Variants in SPAG9 observed in about 807,000 individuals in gnomAD.
The protein encoded by SPAG9 is C-Jun-amino-terminal kinase-interacting protein 4.
In SPAG9, 35 loss-of-function variants were observed where a neutral mutation model predicts 166.5. That is an observed-to-expected ratio of 0.21 (90% CI 0.16 to 0.28). The LOEUF (loss-of-function observed/expected upper bound fraction) is 0.28. Ranked by LOEUF, SPAG9 falls within the 10% of genes least tolerant of loss-of-function variation. The pLI is 1.00. For synonymous variants in SPAG9, 534 were observed against 565.5 expected, an observed-to-expected ratio of 0.94 and a Z score of 0.79; for missense variants, 1,235 against 1,603.3, an observed-to-expected ratio of 0.77 and a Z score of 3.92.
intron 3 of SPAG9, among the ~76,000 whole-genome samples, chr17:51,050,722 TA>T (rs78381217): frequency 7.7e-3 from 1,086 of 141,840 alleles, no homozygotes; most frequent in African/African-American, 0.014. Context: ...TCACTCAGGT[TA>T]AAAAAAAAAA....
chr17:51,076,524 T>C (rs926065485), intron 2 of SPAG9, among the ~76,000 whole-genome samples: 2 of 152,038 alleles, frequency 1.3e-5, no homozygotes, highest in African/African-American at 4.8e-5. Context: ...TCACCTGAGG[T>C]TGGGAGTTCG....
At chr17:51,078,989 C>T (rs188060505) in intron 2 of SPAG9, among the ~76,000 whole-genome samples, 2 of 152,248 alleles carry the variant, frequency 1.3e-5, no homozygotes, top group Non-Finnish European at 2.9e-5. Context: ...CACACACTTG[C>T]ATAATGGTTA....
chr17:51,006,634 A>G (rs891478688), intron 10 of SPAG9, among the ~76,000 whole-genome samples: 26 of 152,250 alleles, frequency 1.7e-4, no homozygotes, highest in Non-Finnish European at 2.9e-5. Flanking sequence ...ACGCTGAAGA[A>G]AAAACCCTGA....
At chr17:51,005,954 C>G in intron 11 of SPAG9, 131 bp downstream of exon 11, 1 of 949,864 alleles carries the variant, frequency 1.1e-6, no homozygotes, top group South Asian at 1.7e-5. Context: ...GGGCACTTTG[C>G]CCTCTCCCAG....
chr17:51,005,175 G>C, intron 12 of SPAG9, 37 bp downstream of exon 12: 2 of 1,581,080 alleles, frequency 1.3e-6, no homozygotes, highest in Non-Finnish European at 1.7e-6. Flanking sequence ...CCAAAACATG[G>C]TAAGGTAAGA....
chr17:51,120,467 C>T lies in SPAG9; in HGVS notation c.190G>A (p.Val64Met), dbSNP rs753465628. 2 of 1,614,020 alleles carry T rather than the reference C, an allele frequency of 1.2e-6. No individual in the cohort carries two copies. Among genetic ancestry groups the T allele is most frequent in the African/African-American group, 1.3e-5 (1 of 75,058 alleles). Residue 64 changes from valine to methionine, a missense_variant, in exon 1 of 30, where the codon GTG (valine) becomes ATG (methionine). Val to Met is a conservative substitution (Grantham distance 21). Around this residue, in one of 6 missense-constraint regions of SPAG9, gnomAD observed 83 missense variants for 149.8 expected, o/e 0.55. Coordinates refer to ENST00000262013, the MANE Select transcript of SPAG9 (RefSeq NM_001130528.3). This position sits in a 1 kb window ranked among gnomAD's most constrained non-coding sequence, Gnocchi z 4.7. ...TGGTGCTCCTGGTCCTGCGCGAACA[C>T]CGAGTCCAGGTTCTCCAGCACAGCC... ...VVAVLENLDS[V>M]FAQDQEHQVE...
At chr17:51,019,648 T>A (rs1166002003) in intron 8 of SPAG9, among the ~76,000 whole-genome samples, 1 of 151,738 alleles carries the variant, frequency 6.6e-6, no homozygotes, top group East Asian at 1.9e-4. Context: ...AGGTTGGGAG[T>A]TCGAGACCAG....
At chr17:51,041,677 C>T (rs202171282) in intron 4 of SPAG9, 26 bp from the exon 5 acceptor site, 168 of 1,608,366 alleles carry the variant, frequency 1.0e-4, no homozygotes, top group Non-Finnish European at 1.3e-4. Flanking sequence ...AGAAAAAATT[C>T]GGCATTCATT....
In SPAG9 at chr17:50,962,789, C is replaced by T. The variant is rs1435166122; in HGVS notation, c.*3483G>A. On this transcript the variant is annotated 3_prime_UTR_variant, in exon 30 of 30. Transcript: ENST00000262013. ...TAAGGCAGCCTATGTTAAAGGGTCT[C>T]GTCTCAAATGTAGGAAGACCTTTAC... The T allele has an allele frequency of 6.6e-6, 1 of 152,198 alleles. No homozygotes were observed. The highest frequency in any genetic ancestry group is 2.4e-5 in the African/African-American group (1 of 41,450). The allele number at this position is 152,198 out of a possible 1,614,324, so 9.4% of individuals were successfully genotyped here.
At chr17:50,995,615 A>G (rs548092434) in intron 16 of SPAG9, 82 bp from the exon 17 acceptor site, 7 of 845,632 alleles carry the variant, frequency 8.3e-6, no homozygotes, top group African/African-American at 6.7e-5. Flanking sequence ...CCACTGAGAC[A>G]TGAGCAAGCA....
Position 50,989,872 on chromosome 17 carries a change from T to C in SPAG9, c.2618A>G (p.Glu873Gly), listed in dbSNP as rs1975387372. The stretch of plus-strand genomic sequence containing the variant: ...AACCTCACTATTTTCTGCTTCCATT[T>C]CTACAAAGTAAATAAAACACTATTC... ...GASPVMDKPP[E>G]MEAENSEVDE... Residue 873 changes from glutamate to glycine, a missense_variant and splice_region_variant, in exon 21 of 30, where the codon GAA becomes GGA. Physicochemically the swap from Glu to Gly is moderately conservative, Grantham distance 98. Coordinates refer to ENST00000262013, the MANE Select transcript of SPAG9 (RefSeq NM_001130528.3). 6.2e-7 allele frequency: 1 copy of C among 1,613,656 alleles called. No individual in the cohort carries two copies. The highest frequency in any genetic ancestry group is 1.3e-5 in the African/African-American group (1 of 74,930).
chr17:50,990,576 T>A lies in SPAG9; in HGVS notation c.2491A>T (p.Ser831Cys). 6.2e-7 allele frequency: 1 copy of A among 1,614,230 alleles called. No homozygotes were observed. Among genetic ancestry groups the A allele is most frequent in the Admixed American group, 1.7e-5 (1 of 60,034 alleles). ...AACAGGCTGTCTGTCTCTGCTGAGC[T>A]GTTGCTTGTCATACTTCCACATAAA... ...ASLCGSMTSN[S>C]SAETDSLLGG... Residue 831 changes from serine to cysteine, a missense_variant, in exon 20 of 30, where the codon AGC becomes TGC. This residue lies in a region of SPAG9 where 493 missense variants were observed against 559.4 expected (regional missense o/e 0.88). Coordinates refer to ENST00000262013, the MANE Select transcript of SPAG9 (RefSeq NM_001130528.3).
intron 8 of SPAG9, 85 bp from the exon 9 acceptor site, chr17:51,014,438 C>T: frequency 4.4e-6 from 5 of 1,134,568 alleles, no homozygotes; most frequent in Non-Finnish European, 6.0e-6. Flanking sequence ...GGCTAAGCTA[C>T]ATAGGACTTT....
chr17:51,023,271 A>G (rs1383135648), intron 6 of SPAG9: 1 of 149,026 alleles, frequency 6.7e-6, no homozygotes, highest in Non-Finnish European at 1.5e-5. Flanking sequence ...TAGTATAATT[A>G]TAATACATAA....
intron 1 of SPAG9, among the ~76,000 whole-genome samples, chr17:51,109,830 G>C (rs1202668267): frequency 6.6e-6 from 1 of 151,724 alleles, no homozygotes; most frequent in Non-Finnish European, 1.5e-5. Flanking sequence ...TCCTGCCTCG[G>C]CCCCCCAAGT....
intron 26 of SPAG9, among the ~76,000 whole-genome samples, chr17:50,979,355 G>C (rs957352783): frequency 7.2e-6 from 1 of 139,620 alleles, no homozygotes; most frequent in Middle Eastern, 4.2e-3. Context: ...CTAGGTGACA[G>C]AGTGAGACCC....
chr17:51,034,173 AAAC>A (rs2046491721), intron 5 of SPAG9, among the ~76,000 whole-genome samples: 1 of 152,262 alleles, frequency 6.6e-6, no homozygotes, highest in Non-Finnish European at 1.5e-5. Context: ...GTCATAAACA[AAAC>A]AATATGAAAT....
intron 1 of SPAG9, among the ~76,000 whole-genome samples, chr17:51,080,423 T>C (rs1416950025): frequency 6.6e-6 from 1 of 152,058 alleles, no homozygotes; most frequent in Non-Finnish European, 1.5e-5. Context: ...CTTGGACACA[T>C]CTTCTCTTCC....
intron 11 of SPAG9, 93 bp downstream of exon 11, chr17:51,005,992 G>A: frequency 7.0e-7 from 1 of 1,425,390 alleles, no homozygotes; most frequent in Non-Finnish European, 9.6e-7. Flanking sequence ...AGGCTTGAGT[G>A]GACAGAAGGT....
Sources: allele counts gnomAD v4.1 joint callset (sites outside exome capture counted in the v4.1 genomes callset), GRCh38; gene constraint gnomAD v4.1.1; regional missense constraint gnomAD v4.1.1; non-coding constraint Gnocchi (gnomAD v3.1); transcripts MANE v1.5; gene names NCBI Gene and HGNC (gene_info 2026-07-23, HGNC 2026-07-21).